The following CD36 variants were observed in gnomAD, a reference collection of about 807,000 sequenced individuals.
CD36 encodes the protein platelet glycoprotein 4.
Under a neutral mutation model 55.2 loss-of-function variants are expected in CD36, and 119 were observed. The observed-to-expected ratio is 2.15, with a 90% CI of 1.86 to 2.51. CD36 has a LOEUF of 2.51. Ranked by LOEUF, CD36 falls within the 30% of genes most tolerant of loss-of-function variation. The pLI is 0.00. For missense variants in CD36, 819 were observed against 555.5 expected (o/e 1.47, Z -4.77); for synonymous variants, 186 against 193.6 (o/e 0.96, Z 0.33).
At chr7:80,603,339 T>C (rs7784648) in intron 1 of CD36, among the ~76,000 whole-genome samples, 49,207 of 151,994 alleles carry the variant, frequency 0.32, 8,235 homozygotes, top group South Asian at 0.45. Flanking sequence ...AAAAGGTCAC[T>C]TTCTTTTATT....
chr7:80,661,338 A>AT (rs2116660983), intron 5 of CD36, 128 bp downstream of exon 5: 2 of 866,806 alleles, frequency 2.3e-6, no homozygotes, highest in Non-Finnish European at 3.7e-6. Flanking sequence ...CTATATCATT[A>AT]TTTTGAATGG....
chr7:80,633,157 A>C (rs948890210), intron 1 of CD36: 2 of 152,000 alleles, frequency 1.3e-5, no homozygotes, highest in South Asian at 4.1e-4. Context: ...TATGTTTCTT[A>C]CCATCATTTA....
intron 1 of CD36, among the ~76,000 whole-genome samples, chr7:80,613,683 GT>G (rs1471453886): frequency 6.6e-6 from 1 of 152,078 alleles, no homozygotes; most frequent in African/African-American, 2.4e-5. Context: ...AGAGATGCTT[GT>G]CAGGGGCCTA....
At chr7:80,667,561 T>C (rs1228372226) in intron 8 of CD36, among the ~76,000 whole-genome samples, 1 of 149,204 alleles carries the variant, frequency 6.7e-6, no homozygotes, top group Non-Finnish European at 1.5e-5. Flanking sequence ...CATAGGAAAA[T>C]GATATAACAA....
intron 6 of CD36, among the ~76,000 whole-genome samples, chr7:80,664,176 G>A (rs1796797209): frequency 6.6e-6 from 1 of 152,092 alleles, no homozygotes; most frequent in Non-Finnish European, 1.5e-5. Flanking sequence ...GAGTGCTAGA[G>A]TTCACATCAT....
intron 1 of CD36, among the ~76,000 whole-genome samples, chr7:80,641,578 T>G (rs867607371): frequency 1.6e-4 from 24 of 152,026 alleles, no homozygotes; most frequent in Non-Finnish European, 2.5e-4. Flanking sequence ...AAAGAAATTT[T>G]AGCAATCTAC....
At chr7:80,633,968 TTAATG>T (rs145450412), upstream of CD36, among the ~76,000 whole-genome samples, 6,269 of 152,212 alleles carry the variant, frequency 0.041, 290 homozygotes, top group East Asian at 0.16. Flanking sequence ...TATTTTGCTC[TTAATG>T]TAATATCAGG....
At chr7:80,630,816 T>C (rs1262298798) in intron 1 of CD36, among the ~76,000 whole-genome samples, 2 of 152,028 alleles carry the variant, frequency 1.3e-5, no homozygotes, top group East Asian at 3.9e-4. Flanking sequence ...CTCCAAGCCT[T>C]GTAAATGCAG....
intron 1 of CD36, among the ~76,000 whole-genome samples, chr7:80,613,454 T>C (rs576721477): frequency 6.6e-6 from 1 of 152,246 alleles, no homozygotes; most frequent in East Asian, 1.9e-4. Context: ...GAAGATATCA[T>C]CTAAACCAAG....
chr7:80,673,921 T>C, intron 13 of CD36, 62 bp from the exon 14 acceptor site: 1 of 1,250,238 alleles, frequency 8.0e-7, no homozygotes, highest in Non-Finnish European at 1.2e-6. Context: ...GATAGGCAAT[T>C]GAAGGGTTTA....
chr7:80,666,002 T>C (rs1183597800), intron 7 of CD36: 1 of 160,168 alleles, frequency 6.2e-6, no homozygotes, highest in Non-Finnish European at 1.4e-5. Flanking sequence ...ATCTGCTTCT[T>C]TCCTCTTCCC....
At chr7:80,617,271 T>G (rs1793215401) in intron 1 of CD36, among the ~76,000 whole-genome samples, 1 of 152,044 alleles carries the variant, frequency 6.6e-6, no homozygotes, top group African/African-American at 2.4e-5. Context: ...GAAAAATCAC[T>G]AATGCGTACT....
chr7:80,628,145 T>A (rs1411223213), intron 1 of CD36, among the ~76,000 whole-genome samples: 1 of 152,008 alleles, frequency 6.6e-6, no homozygotes, highest in Non-Finnish European at 1.5e-5. Context: ...GTATTTAACA[T>A]ATACATGCAT....
chr7:80,666,347 AT>A, intron 7 of CD36, 95 bp from the exon 8 acceptor site: 1 of 805,138 alleles, frequency 1.2e-6, no homozygotes, highest in Non-Finnish European at 2.1e-6. Context: ...TAAATGCATC[AT>A]ATTAACAGAA....
intron 1 of CD36, among the ~76,000 whole-genome samples, chr7:80,631,608 G>T (rs940630799): frequency 6.6e-6 from 1 of 151,332 alleles, no homozygotes; most frequent in Non-Finnish European, 1.5e-5. Flanking sequence ...GACACATACA[G>T]GACAGTTGAA....
intron 1 of CD36, among the ~76,000 whole-genome samples, chr7:80,619,928 A>G (rs149862142): frequency 7.0e-4 from 107 of 152,332 alleles, no homozygotes; most frequent in African/African-American, 2.5e-3. Context: ...TTAGAAGTGA[A>G]GCCTGAAGAT....
At chr7:80,659,679 G>C (rs920079823) in intron 4 of CD36, among the ~76,000 whole-genome samples, 4 of 147,748 alleles carry the variant, frequency 2.7e-5, no homozygotes, top group African/African-American at 9.8e-5. Flanking sequence ...GTATAATGTT[G>C]TCAGTACACT....
chr7:80,616,291 A>G (rs1793148276), intron 1 of CD36, among the ~76,000 whole-genome samples: 1 of 152,158 alleles, frequency 6.6e-6, no homozygotes, highest in Admixed American at 6.5e-5. Context: ...ATTTTAGAAT[A>G]AAATGTGGAC....
intron 1 of CD36, among the ~76,000 whole-genome samples, chr7:80,615,139 C>A (rs1359197925): frequency 6.6e-6 from 1 of 152,202 alleles, no homozygotes; most frequent in South Asian, 2.1e-4. Context: ...ACATTCCCTT[C>A]ATCAGGCTGA....
Sources: gnomAD v4.1 joint callset for allele counts (sites outside exome capture counted in the v4.1 genomes callset) on GRCh38, gnomAD v4.1.1 for gene constraint, MANE v1.5 for transcripts, NCBI Gene and HGNC (gene_info 2026-07-23, HGNC 2026-07-21) for gene names.